NFIB: variants seen among roughly 807,000 people sequenced by gnomAD.
NFIB encodes the protein nuclear factor I B.
A neutral mutation model predicts 61.5 loss-of-function variants in NFIB; 11 were observed. The observed-to-expected ratio is 0.18, with a 90% CI of 0.11 to 0.30. NFIB has a LOEUF of 0.30. NFIB is among the 10% of genes least tolerant of loss of function. NFIB has a pLI of 1.00. For synonymous variants in NFIB, 260 were observed against 216.5 expected, an observed-to-expected ratio of 1.20 and a Z score of -1.76; for missense variants, 471 against 608.9, an observed-to-expected ratio of 0.77 and a Z score of 2.38.
At chr9:14,251,243 T>G (rs1196254934) in intron 2 of NFIB, among the ~76,000 whole-genome samples, 2 of 152,176 alleles carry the variant, frequency 1.3e-5, no homozygotes, top group Non-Finnish European at 2.9e-5. Flanking sequence ...AGAACCTCCC[T>G]CCAAGCTTTC....
the NFIB span, among the ~76,000 whole-genome samples, chr9:14,461,248 A>C: frequency 1.3e-5 from 2 of 152,216 alleles, no homozygotes; most frequent in African/African-American, 2.4e-5. Context: ...AGAGTTGATT[A>C]AATGTTTATT....
chr9:14,114,219 A>G (rs775521640), intron 9 of NFIB, among the ~76,000 whole-genome samples: 5 of 152,204 alleles, frequency 3.3e-5, no homozygotes, highest in Non-Finnish European at 7.3e-5. Context: ...CTCACAATTC[A>G]TATTTTAATT....
intron 2 of NFIB, among the ~76,000 whole-genome samples, chr9:14,183,100 G>A (rs1302175297): frequency 6.6e-6 from 1 of 152,106 alleles, no homozygotes; most frequent in Non-Finnish European, 1.5e-5. Context: ...AAGAAAGGGA[G>A]AAAAGGGACA....
At chr9:14,368,561 A>G (rs973122906) in intron 1 of NFIB, among the ~76,000 whole-genome samples, 1 of 152,212 alleles carries the variant, frequency 6.6e-6, no homozygotes, top group African/African-American at 2.4e-5. Context: ...AGCCTTGGCC[A>G]TCTTGAACTG....
the NFIB span, among the ~76,000 whole-genome samples, chr9:14,512,690 A>AAAG: frequency 1.6e-5 from 1 of 63,892 alleles, no homozygotes; most frequent in African/African-American, 3.9e-5. Flanking sequence ...ACTCTTATTT[A>AAAG]TAAAGTAAAT....
chr9:14,208,849 A>T (rs2050022881), intron 2 of NFIB, among the ~76,000 whole-genome samples: 1 of 150,818 alleles, frequency 6.6e-6, no homozygotes, highest in Admixed American at 6.6e-5. Flanking sequence ...AGACCCACTG[A>T]TTCACTCAGT....
the NFIB span, among the ~76,000 whole-genome samples, chr9:14,407,852 A>AT: frequency 6.6e-6 from 1 of 152,134 alleles, no homozygotes; most frequent in African/African-American, 2.4e-5. Flanking sequence ...TGCTCATCTA[A>AT]TTTTAAAAAT....
intron 2 of NFIB, among the ~76,000 whole-genome samples, chr9:14,290,092 G>A (rs949383781): frequency 1.3e-5 from 2 of 151,988 alleles, no homozygotes; most frequent in South Asian, 2.1e-4. Flanking sequence ...ATACTGGATT[G>A]TACCAGGAAA....
chr9:14,419,775 G>A, the NFIB span, among the ~76,000 whole-genome samples: 4 of 152,116 alleles, frequency 2.6e-5, no homozygotes, highest in Non-Finnish European at 5.9e-5. Context: ...CTTCCCATCG[G>A]TATGTCTGGC....
intron 1 of NFIB, chr9:14,398,478 C>G (rs554293818): frequency 1.5e-6 from 2 of 1,361,872 alleles, no homozygotes; most frequent in Non-Finnish European, 2.0e-6. Flanking sequence ...GAAGTTGGGA[C>G]CTATTTGAAA....
At chr9:14,426,358 C>T in the NFIB span, among the ~76,000 whole-genome samples, 70 of 152,280 alleles carry the variant, frequency 4.6e-4, no homozygotes, top group South Asian at 8.3e-4. Flanking sequence ...TCCCATGAGG[C>T]TTTTCTCATA....
chr9:14,333,471 C>A (rs546768850), intron 1 of NFIB, among the ~76,000 whole-genome samples: 1 of 152,228 alleles, frequency 6.6e-6, no homozygotes, highest in Non-Finnish European at 1.5e-5. Context: ...TCTTCTCCTT[C>A]CCTTAGGGCT....
the NFIB span, among the ~76,000 whole-genome samples, chr9:14,486,489 G>T: frequency 2.0e-5 from 3 of 152,134 alleles, no homozygotes; most frequent in African/African-American, 4.8e-5. Flanking sequence ...ATATGCCTAG[G>T]GACTGAGCAA....
chr9:14,296,015 T>A (rs1210252813), intron 2 of NFIB, among the ~76,000 whole-genome samples: 4 of 152,244 alleles, frequency 2.6e-5, no homozygotes, highest in Non-Finnish European at 4.4e-5. Flanking sequence ...GCTAACTTCA[T>A]GTGCCTACAC....
At chr9:14,465,699 C>T in the NFIB span, among the ~76,000 whole-genome samples, 1 of 151,986 alleles carries the variant, frequency 6.6e-6, no homozygotes, top group Non-Finnish European at 1.5e-5. Context: ...CCTGGGCTAC[C>T]TACAGTCACC....
the NFIB span, among the ~76,000 whole-genome samples, chr9:14,408,481 G>C: frequency 6.6e-6 from 1 of 152,138 alleles, no homozygotes; most frequent in South Asian, 2.1e-4. Flanking sequence ...AAGTTTCAGA[G>C]ACCACAATGG....
intron 2 of NFIB, chr9:14,204,377 G>T (rs570103521): frequency 7.7e-6 from 8 of 1,038,450 alleles, no homozygotes; most frequent in East Asian, 7.2e-5. Context: ...CATTAGACAG[G>T]ACATCCAGCC....
At chr9:14,473,909 C>T in the NFIB span, among the ~76,000 whole-genome samples, 1 of 152,186 alleles carries the variant, frequency 6.6e-6, no homozygotes, top group Non-Finnish European at 1.5e-5. Flanking sequence ...TTTTCACCAT[C>T]ACCTCCTAAG....
chr9:14,422,441 G>A, the NFIB span, among the ~76,000 whole-genome samples: 13 of 152,190 alleles, frequency 8.5e-5, no homozygotes, highest in African/African-American at 3.1e-4. Context: ...TTCTTATGGA[G>A]TCAGGAAAAG....
Sources: allele counts gnomAD v4.1 joint callset (sites outside exome capture counted in the v4.1 genomes callset), GRCh38; gene constraint gnomAD v4.1.1; transcripts MANE v1.5; gene names NCBI Gene and HGNC (gene_info 2026-07-23, HGNC 2026-07-21).